The following PRRT1 variants were observed in gnomAD, a reference collection of about 807,000 sequenced individuals.
The protein encoded by PRRT1 is proline-rich transmembrane protein 1.
A neutral mutation model predicts 22.6 loss-of-function variants in PRRT1; 8 were observed. The observed-to-expected ratio is 0.35, with a 90% CI of 0.21 to 0.64. PRRT1 has a LOEUF of 0.64. Among genes scored for constraint, PRRT1 ranks in the 30% least tolerant of loss-of-function variants. PRRT1 has a pLI of 0.69. For missense variants in PRRT1, 315 were observed against 444.5 expected (o/e 0.71, Z 2.62); for synonymous variants, 176 against 203.6 (o/e 0.86, Z 1.15).
At position 32,149,116 on chromosome 6, in the gene PRRT1, C is replaced by A; in HGVS notation, c.*106G>T. 1.7e-6 allele frequency: 2 copies of A among 1,188,874 alleles called. No homozygotes were observed. The highest frequency in any genetic ancestry group is 2.4e-5 in the East Asian group (1 of 41,610). 73.6% of individuals were successfully genotyped at this position (1,188,874 alleles called of 1,614,324 possible). A position where few individuals can be genotyped will look rare whatever the true frequency, so the allele number is the denominator to read the frequency against. Reference sequence around the variant, plus strand: ...GAGTTTACGATGTATCCAAGTCTGACGGCCCCAGAAACGGGTGTGCAGGGC... The same window carrying A: ...GAGTTTACGATGTATCCAAGTCTGAAGGCCCCAGAAACGGGTGTGCAGGGC... On this transcript the variant is annotated 3_prime_UTR_variant, in exon 4 of 4. Coordinates refer to ENST00000211413, the MANE Select transcript of PRRT1 (RefSeq NM_030651.4). The surrounding 1 kb of genome is among the most constrained non-coding windows in gnomAD (Gnocchi z 8.7).
At chr6:32,152,000 GAGCTTAAAGGGACCGAGGCGAGGGA>G, upstream of PRRT1, 4 of 350,420 alleles carry the variant, frequency 1.1e-5, no homozygotes, top group South Asian at 1.9e-5. Context: ...GGGAGGGGGG[GAGCTTAAAGGGACCGAGGCGAGGGA>G]GGGGGAGCGC....
upstream of PRRT1, among the ~76,000 whole-genome samples, chr6:32,152,604 G>C (rs997888428): frequency 6.6e-6 from 1 of 152,060 alleles, no homozygotes; most frequent in East Asian, 1.9e-4. Flanking sequence ...CTTTTGGAGG[G>C]GGTAGGGGGT....
At chr6:32,152,703 T>C (rs2127382072), upstream of PRRT1, 1 of 155,632 alleles carries the variant, frequency 6.4e-6, no homozygotes, top group East Asian at 1.9e-4. Context: ...GCTTAGAGTC[T>C]CTGGGCTGGT....
upstream of PRRT1, chr6:32,151,962 G>GC: frequency 3.3e-6 from 1 of 299,926 alleles, no homozygotes; most frequent in South Asian, 2.3e-5. Context: ...GGGGGGGGGG[G>GC]GCGGGGGGGG....
Position 32,149,416 on chromosome 6 carries a change from G to A in PRRT1, c.745-18C>T, listed in dbSNP as rs747399214. The A allele has an allele frequency of 1.3e-6, 2 of 1,594,858 alleles. No individual in the cohort carries two copies. The highest frequency in any genetic ancestry group is 1.7e-6 in the Non-Finnish European group (2 of 1,167,284). On this transcript the variant is annotated intron_variant, in intron 3 of 3. Coordinates refer to ENST00000211413, the MANE Select transcript of PRRT1 (RefSeq NM_030651.4). The surrounding 1 kb of genome is among the most constrained non-coding windows in gnomAD (Gnocchi z 8.7). ...GTGCGCACCTACGGAGGAGGGGTGG[G>A]GGAAGGAGGTCAAAGAGCTGCGGCC...
chr6:32,149,207 G>A lies in PRRT1; in HGVS notation c.*15C>T, dbSNP rs778127352. ...AGATCGAGGGGCGCAGAGTGGGGCC[G>A]GACCAGGGGCGTTTTTAGGGATCCC... On this transcript the variant is annotated 3_prime_UTR_variant, in exon 4 of 4. Transcript: ENST00000211413. This position sits in a 1 kb window ranked among gnomAD's most constrained non-coding sequence, Gnocchi z 8.7. 6.2e-7 allele frequency: 1 copy of A among 1,610,582 alleles called. No homozygotes were observed. The highest frequency in any genetic ancestry group is 1.1e-5 in the South Asian group (1 of 90,160).
chr6:32,150,575 G>A lies in PRRT1; in HGVS notation c.351C>T (p.Arg117=). ...GCGGCGGGGGAAGTGGGCCCTCGAA[G>A]CGAGTCTCCTGCAGGTAAGGGTCGG... ...MPPDPYLQET[R]FEGPLPPPPP... Residue 117 remains arginine (R), a synonymous_variant, in exon 2 of 4, where the codon CGC becomes CGT. Transcript: ENST00000211413. The surrounding 1 kb of genome is among the most constrained non-coding windows in gnomAD (Gnocchi z 7.2). 2 of 1,367,520 alleles carry A rather than the reference G, an allele frequency of 1.5e-6. No homozygotes were observed. Among genetic ancestry groups the A allele is most frequent in the Non-Finnish European group, 1.9e-6 (2 of 1,063,244 alleles). 84.7% of individuals were successfully genotyped at this position (1,367,520 alleles called of 1,614,324 possible). A position where few individuals can be genotyped will look rare whatever the true frequency, so the allele number is the denominator to read the frequency against.
At chr6:32,152,613 G>GTA (rs1326272972), upstream of PRRT1, among the ~76,000 whole-genome samples, 2 of 152,180 alleles carry the variant, frequency 1.3e-5, no homozygotes, top group South Asian at 2.1e-4. Context: ...GGGGTAGGGG[G>GTA]TATGACTTAA....
At chr6:32,151,358 TG>T in intron 1 of PRRT1, 4 of 407,154 alleles carry the variant, frequency 9.8e-6, no homozygotes, top group South Asian at 2.4e-5. Context: ...GTTCCTTCAG[TG>T]GGGGGAGGAG....
In PRRT1 at chr6:32,150,358, C is replaced by G; in HGVS notation, c.558+10G>C. The G allele has an allele frequency of 6.4e-7, 1 of 1,553,962 alleles. No homozygotes were observed. The highest frequency in any genetic ancestry group is 8.6e-7 in the Non-Finnish European group (1 of 1,157,366). On this transcript the variant is annotated intron_variant, in intron 2 of 3. Transcript: ENST00000211413. This position sits in a 1 kb window ranked among gnomAD's most constrained non-coding sequence, Gnocchi z 7.2. ...CCTCTTTCCCATGTCCCTGTCTGCC[C>G]GGCACTCACCGTGCCCACCGGGTAG...
At chr6:32,151,022 CAT>C (rs1783240653) in intron 1 of PRRT1, 116 bp from the exon 2 acceptor site, 2 of 872,570 alleles carry the variant, frequency 2.3e-6, no homozygotes, top group South Asian at 2.8e-5. Context: ...GGGAGAGACA[CAT>C]AGAGAGAGAC....
chr6:32,152,440 G>A (rs1247131405), upstream of PRRT1, among the ~76,000 whole-genome samples: 1 of 152,206 alleles, frequency 6.6e-6, no homozygotes, highest in Non-Finnish European at 1.5e-5. Context: ...GGTCTGAAAA[G>A]TTCCCAGGGT....
In PRRT1 at chr6:32,150,177, G is replaced by A. The variant is rs1293383626; in HGVS notation, c.558+191C>T. Among the ~76,000 whole-genome samples, 1 of 152,074 alleles carries A rather than the reference G, an allele frequency of 6.6e-6. No homozygotes were observed. The highest frequency in any genetic ancestry group is 1.5e-5 in the Non-Finnish European group (1 of 68,004). On this transcript the variant is annotated intron_variant, in intron 2 of 3. Coordinates refer to ENST00000211413, the MANE Select transcript of PRRT1 (RefSeq NM_030651.4). The surrounding 1 kb of genome is among the most constrained non-coding windows in gnomAD (Gnocchi z 7.2). ...TCCCAGGCCCTGACTCTGGGCACCAGTAGACTCCTACTCCCGTGTCTCTCC... is the reference window on the plus strand; with the variant it reads ...TCCCAGGCCCTGACTCTGGGCACCAATAGACTCCTACTCCCGTGTCTCTCC...
Position 32,148,620 on chromosome 6 carries a change from G to T in PRRT1, c.*602C>A, listed in dbSNP as rs2127375494. On this transcript the variant is annotated 3_prime_UTR_variant, in exon 4 of 4. Transcript: ENST00000211413. This position sits in a 1 kb window ranked among gnomAD's most constrained non-coding sequence, Gnocchi z 5.7. ...CAAATGTCCTTAAAAAAAGCAAAAGGAAAGGTTCTGGGATTAGCAAGAAAA... is the reference window on the plus strand; with the variant it reads ...CAAATGTCCTTAAAAAAAGCAAAAGTAAAGGTTCTGGGATTAGCAAGAAAA... 1 of 354,318 alleles carries T rather than the reference G, an allele frequency of 2.8e-6. No homozygotes were observed. Among genetic ancestry groups the T allele is most frequent in the Non-Finnish European group, 5.6e-6 (1 of 177,872 alleles). The allele number at this position is 354,318 out of a possible 1,614,324, so 21.9% of individuals were successfully genotyped here.
In PRRT1 at chr6:32,149,498, T is replaced by C. The variant is rs760352052; in HGVS notation, c.744+39A>G. ...GGTCCCCAGAACGCCCAGAACTCCC[T>C]GTCCCCGCCCCCAAACCGAGTATGC... On this transcript the variant is annotated intron_variant, in intron 3 of 3. Coordinates refer to ENST00000211413, the MANE Select transcript of PRRT1 (RefSeq NM_030651.4). The surrounding 1 kb of genome is among the most constrained non-coding windows in gnomAD (Gnocchi z 8.7). The C allele has an allele frequency of 6.2e-7, 1 of 1,610,498 alleles. No individual in the cohort carries two copies. Among genetic ancestry groups the C allele is most frequent in the South Asian group, 1.1e-5 (1 of 90,880 alleles).
Position 32,150,258 on chromosome 6 carries a change from C to T in PRRT1, c.558+110G>A. 7.5e-7 allele frequency: 1 copy of T among 1,334,386 alleles called. No homozygotes were observed. 82.7% of individuals were successfully genotyped at this position (1,334,386 alleles called of 1,614,324 possible). ...TCTAGGGCTTGTCCCGGGAACACTACCTGTTCCCTGCCCTTGTTCCTCTAT... is the reference window on the plus strand; with the variant it reads ...TCTAGGGCTTGTCCCGGGAACACTATCTGTTCCCTGCCCTTGTTCCTCTAT... On this transcript the variant is annotated intron_variant, in intron 2 of 3. Transcript: ENST00000211413. This position sits in a 1 kb window ranked among gnomAD's most constrained non-coding sequence, Gnocchi z 7.2.
chr6:32,151,980 A>AGGGGGGG, upstream of PRRT1: 18 of 78,252 alleles, frequency 2.3e-4, no homozygotes, highest in Non-Finnish European at 3.2e-4. Flanking sequence ...GGGCGGGCGG[A>AGGGGGGG]GGGAGAGCGG....
At chr6:32,151,953 G>GT (rs1318432361), upstream of PRRT1, 1 of 183,460 alleles carries the variant, frequency 5.5e-6, no homozygotes, top group Non-Finnish European at 9.4e-6. Context: ...GGCAGCGGCG[G>GT]GGGGGGGGGG....
At position 32,149,518 on chromosome 6, in the gene PRRT1, G is replaced by A. The variant is rs1423170954; in HGVS notation, c.744+19C>T. 2 of 1,612,706 alleles carry A rather than the reference G, an allele frequency of 1.2e-6. No homozygotes were observed. The highest frequency in any genetic ancestry group is 2.2e-5 in the East Asian group (1 of 44,866). ...CTCCCTGTCCCCGCCCCCAAACCGAGTATGCCCCTGCCCCCTACCTGCACG... is the reference window on the plus strand; with the variant it reads ...CTCCCTGTCCCCGCCCCCAAACCGAATATGCCCCTGCCCCCTACCTGCACG... On this transcript the variant is annotated intron_variant, in intron 3 of 3. Transcript: ENST00000211413. The surrounding 1 kb of genome is among the most constrained non-coding windows in gnomAD (Gnocchi z 8.7).
Sources: allele counts gnomAD v4.1 joint callset (sites outside exome capture counted in the v4.1 genomes callset), GRCh38; gene constraint gnomAD v4.1.1; non-coding constraint Gnocchi (gnomAD v3.1); transcripts MANE v1.5; gene names NCBI Gene and HGNC (gene_info 2026-07-23, HGNC 2026-07-21).